The following ATOSA variants were observed in gnomAD, a reference collection of about 807,000 sequenced individuals.
ATOSA encodes the protein atos homolog A.
At chr15:52,687,517 G>T in the ATOSA span, among the ~76,000 whole-genome samples, 4 of 152,194 alleles carry the variant, frequency 2.6e-5, no homozygotes, top group African/African-American at 9.7e-5. Flanking sequence ...CTAGGAGAGG[G>T]GCCTGCTAAG....
At chr15:52,644,531 G>A in the ATOSA span, among the ~76,000 whole-genome samples, 17 of 152,278 alleles carry the variant, frequency 1.1e-4, no homozygotes, top group East Asian at 1.2e-3. Context: ...CACAGTGCTC[G>A]ACATGAACAG....
the ATOSA span, chr15:52,649,914 G>C: frequency 3.6e-4 from 55 of 152,054 alleles, no homozygotes; most frequent in African/African-American, 1.2e-3. Flanking sequence ...CAAAGCCTCT[G>C]TGTGACACAG....
At chr15:52,688,677 C>T in the ATOSA span, among the ~76,000 whole-genome samples, 1 of 152,170 alleles carries the variant, frequency 6.6e-6, no homozygotes, top group East Asian at 1.9e-4. Context: ...TCTGGGACTT[C>T]AGGATGAGGT....
chr15:52,659,675 G>A, the ATOSA span, among the ~76,000 whole-genome samples: 2 of 152,024 alleles, frequency 1.3e-5, no homozygotes, highest in African/African-American at 4.8e-5. Context: ...AGCTATCTAA[G>A]TACAGAATGA....
chr15:52,618,722 T>C, the ATOSA span, among the ~76,000 whole-genome samples: 1 of 152,228 alleles, frequency 6.6e-6, no homozygotes, highest in South Asian at 2.1e-4. Flanking sequence ...TCTTGCTTTG[T>C]TGCCCAGGTT....
chr15:52,675,633 G>A, the ATOSA span, among the ~76,000 whole-genome samples: 5 of 152,232 alleles, frequency 3.3e-5, no homozygotes, highest in Non-Finnish European at 5.9e-5. Flanking sequence ...GTTAGGCCGG[G>A]CGCGGTGGCT....
the ATOSA span, among the ~76,000 whole-genome samples, chr15:52,604,328 A>G: frequency 1.3e-5 from 2 of 152,390 alleles, no homozygotes; most frequent in African/African-American, 2.4e-5. Flanking sequence ...TTTCTAAAAT[A>G]GAAGACTGAG....
the ATOSA span, among the ~76,000 whole-genome samples, chr15:52,584,146 T>C: frequency 2.4e-5 from 3 of 124,670 alleles, no homozygotes; most frequent in East Asian, 2.1e-4. Flanking sequence ...CTCATATTAC[T>C]TTTTTTTTTT....
the ATOSA span, among the ~76,000 whole-genome samples, chr15:52,653,184 T>C: frequency 6.6e-6 from 1 of 152,288 alleles, no homozygotes; most frequent in African/African-American, 2.4e-5. Flanking sequence ...GATCTTTGTT[T>C]ATCTTGAGTG....
At chr15:52,611,574 C>T in the ATOSA span, 1 of 1,613,766 alleles carries the variant, frequency 6.2e-7, no homozygotes, top group East Asian at 2.2e-5. Flanking sequence ...CAACAACTTA[C>T]TGTCGAGGAA....
the ATOSA span, among the ~76,000 whole-genome samples, chr15:52,628,163 G>A: frequency 6.6e-6 from 1 of 152,188 alleles, no homozygotes; most frequent in East Asian, 1.9e-4. Flanking sequence ...CTTCATGTCT[G>A]CAGACATTGT....
At chr15:52,597,365 G>A in the ATOSA span, among the ~76,000 whole-genome samples, 1 of 152,058 alleles carries the variant, frequency 6.6e-6, no homozygotes, top group Admixed American at 6.5e-5. Context: ...ACCCCGAAGT[G>A]GTGACAACCC....
At chr15:52,600,902 T>C in the ATOSA span, among the ~76,000 whole-genome samples, 1 of 152,138 alleles carries the variant, frequency 6.6e-6, no homozygotes, top group Non-Finnish European at 1.5e-5. Context: ...CACTATATAG[T>C]TGCTACTCAT....
At chr15:52,677,924 C>T in the ATOSA span, 3 of 1,535,332 alleles carry the variant, frequency 2.0e-6, no homozygotes, top group Admixed American at 1.7e-5. Flanking sequence ...GATCCTACTG[C>T]AGAATTAGGT....
chr15:52,688,423 G>A, the ATOSA span, among the ~76,000 whole-genome samples: 4 of 152,262 alleles, frequency 2.6e-5, 1 homozygote, highest in South Asian at 8.3e-4. Flanking sequence ...AGTTTTAGGA[G>A]GTAGAAGTGA....
At chr15:52,695,865 C>CAAGGGACA in the ATOSA span, among the ~76,000 whole-genome samples, 1 of 152,022 alleles carries the variant, frequency 6.6e-6, no homozygotes, top group Non-Finnish European at 1.5e-5. Context: ...TGTTCCAGGC[C>CAAGGGACA]AAGGGACAGT....
the ATOSA span, among the ~76,000 whole-genome samples, chr15:52,667,092 C>CA: frequency 6.6e-6 from 1 of 152,162 alleles, no homozygotes. Context: ...TGGAAATCAC[C>CA]AGGAAATGAG....
At chr15:52,627,339 C>T in the ATOSA span, among the ~76,000 whole-genome samples, 1 of 152,118 alleles carries the variant, frequency 6.6e-6, no homozygotes, top group African/African-American at 2.4e-5. Flanking sequence ...CCAATTAATA[C>T]CTTATTATAA....
chr15:52,664,166 G>C, the ATOSA span, among the ~76,000 whole-genome samples: 6 of 152,194 alleles, frequency 3.9e-5, no homozygotes, highest in Admixed American at 3.9e-4. Context: ...TGGACTGACA[G>C]CATCTGCAGT....
Sources: allele counts gnomAD v4.1 joint callset (sites outside exome capture counted in the v4.1 genomes callset), GRCh38; gene constraint gnomAD v4.1.1; transcripts MANE v1.5; gene names NCBI Gene and HGNC (gene_info 2026-07-23, HGNC 2026-07-21).